The following CNGB1 variants were observed in gnomAD, a reference collection of about 807,000 sequenced individuals.
CNGB1 encodes the protein cyclic nucleotide gated channel subunit beta 1, also known as cyclic nucleotide-gated channel beta-1.
Under a neutral mutation model 151.7 loss-of-function variants are expected in CNGB1, and 126 were observed. The observed-to-expected ratio is 0.83, with a 90% CI of 0.72 to 0.96. CNGB1 has a LOEUF of 0.96. Ranked by LOEUF, CNGB1 falls within the 40% of genes least tolerant of loss-of-function variation. The pLI, the probability that CNGB1 is intolerant of heterozygous loss-of-function variation, is 0.00. For synonymous variants in CNGB1, 623 were observed against 635.1 expected, an observed-to-expected ratio of 0.98 and a Z score of 0.29; for missense variants, 1,698 against 1,627.0, an observed-to-expected ratio of 1.04 and a Z score of -0.75.
At chr16:57,894,531 G>A (rs1313038072) in intron 31 of CNGB1, among the ~76,000 whole-genome samples, 2 of 152,174 alleles carry the variant, frequency 1.3e-5, no homozygotes, top group African/African-American at 2.4e-5. Context: ...AACCCGGGAG[G>A]TGGAGGTTGC....
At chr16:57,912,733 TTG>T (rs1334596871) in intron 24 of CNGB1, among the ~76,000 whole-genome samples, 195 bp downstream of exon 24, 1 of 151,374 alleles carries the variant, frequency 6.6e-6, no homozygotes, top group African/African-American at 2.4e-5. Flanking sequence ...GTGTTGTGTG[TTG>T]TGTGTGTGCA....
chr16:57,885,637 G>C (rs953999172), intron 32 of CNGB1, among the ~76,000 whole-genome samples: 1 of 143,600 alleles, frequency 7.0e-6, no homozygotes, highest in Non-Finnish European at 1.5e-5. Flanking sequence ...TCTGCCACCC[G>C]GGATGGAGTG....
At chr16:57,915,124 C>G (rs1377255967) in intron 23 of CNGB1, 125 bp downstream of exon 23, 1 of 712,078 alleles carries the variant, frequency 1.4e-6, no homozygotes, top group Non-Finnish European at 2.4e-6. Context: ...AAATGCATCT[C>G]CCCTCGGGCC....
In CNGB1 at chr16:57,897,800, T is replaced by A. The variant is rs777856371; in HGVS notation, c.3091A>T (p.Ile1031Leu). Residue 1031 changes from isoleucine (I) to leucine (L), a missense_variant, in exon 30 of 33, where the codon ATA (isoleucine) becomes TTA (leucine). By Grantham distance (5) the Ile-to-Leu change is conservative. Coordinates refer to ENST00000251102, the MANE Select transcript of CNGB1 (RefSeq NM_001297.5). Reference protein sequence around the residue: ...TLKAGSVFGEISLLAVGGGNR... With the variant: ...TLKAGSVFGELSLLAVGGGNR... The stretch of plus-strand genomic sequence containing the variant: ...TTTACCCCAGCTGCGTCTGACCTTA[T>A]TTCTCCAAACACAGATCCAGCTTTC... 2.5e-6 allele frequency: 4 copies of A among 1,614,154 alleles called. No homozygotes were observed. The highest frequency in any genetic ancestry group is 1.6e-4 in the Middle Eastern group (1 of 6,062).
At chr16:57,885,576 C>T (rs12925926) in intron 32 of CNGB1, among the ~76,000 whole-genome samples, 22 of 124,338 alleles carry the variant, frequency 1.8e-4, no homozygotes, top group East Asian at 4.9e-4. Context: ...CTCTCTCTCT[C>T]TCTTTCTTTC....
chr16:57,904,874 A>G lies in CNGB1; in HGVS notation c.2494T>C (p.Tyr832His). 6.2e-7 allele frequency: 1 copy of G among 1,614,194 alleles called. No individual in the cohort carries two copies. The highest frequency in any genetic ancestry group is 1.1e-5 in the South Asian group (1 of 91,084). ...HWVYDGVGNS[Y>H]IRCYYFAVKT... Reference sequence around the variant, plus strand: ...ACAGCAAAGTAGTAACAGCGAATATAACTGGAGAGAGAGGAGAAAGGGAAC... The same window carrying G: ...ACAGCAAAGTAGTAACAGCGAATATGACTGGAGAGAGAGGAGAAAGGGAAC... Residue 832 changes from tyrosine to histidine, a missense_variant and splice_region_variant, in exon 26 of 33, where the codon TAT becomes CAT. Coordinates refer to ENST00000251102, the MANE Select transcript of CNGB1 (RefSeq NM_001297.5).
chr16:57,904,355 C>T (rs549156556), intron 26 of CNGB1, among the ~76,000 whole-genome samples: 41 of 152,252 alleles, frequency 2.7e-4, no homozygotes, highest in Non-Finnish European at 4.1e-4. Context: ...TGCTGTTCCT[C>T]GGGGCGGGGC....
At chr16:57,894,598 CT>C (rs1249850129) in intron 31 of CNGB1, among the ~76,000 whole-genome samples, 9 of 151,964 alleles carry the variant, frequency 5.9e-5, no homozygotes, top group Non-Finnish European at 1.3e-4. Flanking sequence ...GAGACTTCAT[CT>C]CAAAAAAGAA....
intron 31 of CNGB1, among the ~76,000 whole-genome samples, chr16:57,896,802 T>C (rs1028635417): frequency 1.3e-5 from 2 of 151,524 alleles, no homozygotes; most frequent in African/African-American, 4.8e-5. Flanking sequence ...TCCAAGTCAC[T>C]AAAGGTTGGA....
intron 18 of CNGB1, among the ~76,000 whole-genome samples, chr16:57,922,806 T>G (rs1233126660): frequency 6.6e-6 from 1 of 151,534 alleles, no homozygotes; most frequent in Non-Finnish European, 1.5e-5. Flanking sequence ...AAATGTGAAC[T>G]CCCCAGGCCT....
rs780134614 is a variant in CNGB1, at chr16:57,912,937, C to T, written c.2362G>A (p.Val788Met). Residue 788 changes from valine (V) to methionine (M), a missense_variant, in exon 24 of 33, where the codon GTG becomes ATG. By Grantham distance (21) the Val-to-Met change is conservative. Transcript: ENST00000251102. ...ATGCAGGGGGAGTCTCACCTGTACA[C>T]GTAGGCTTTGCTGAGGATGGATTCC... ...RLESILSKAY[V>M]YRVIRTTAYL... 4.3e-6 allele frequency: 7 copies of T among 1,613,752 alleles called. No individual in the cohort carries two copies. Among genetic ancestry groups the T allele is most frequent in the African/African-American group, 4.0e-5 (3 of 74,900 alleles).
At chr16:57,939,321 A>G in intron 16 of CNGB1, 109 bp downstream of exon 16, 1 of 1,487,310 alleles carries the variant, frequency 6.7e-7, no homozygotes, top group Non-Finnish European at 9.3e-7. Context: ...AATGGGGGGA[A>G]GGAGATGGAG....
At chr16:57,895,912 G>T (rs1189058217) in intron 31 of CNGB1, among the ~76,000 whole-genome samples, 1 of 152,132 alleles carries the variant, frequency 6.6e-6, no homozygotes, top group African/African-American at 2.4e-5. Flanking sequence ...TCAAAATAAT[G>T]ATTGTTAACA....
chr16:57,884,549 C>T, intron 32 of CNGB1, 92 bp from the exon 33 acceptor site: 2 of 1,431,138 alleles, frequency 1.4e-6, no homozygotes, highest in Non-Finnish European at 1.9e-6. Flanking sequence ...CCTTTTTGGA[C>T]CCCCAAAGAG....
Position 57,884,000 on chromosome 16 carries a change from G to A in CNGB1, c.*164C>T. ...CCCCGCGAGGAGCTGAGTCGGGGCT[G>A]GCGTGCTGGCGGGACGGTCAGAGCT... is the stretch of plus-strand genomic sequence containing the variant. On this transcript the variant is annotated 3_prime_UTR_variant, in exon 33 of 33. Transcript: ENST00000251102. 1 of 950,072 alleles carries A rather than the reference G, an allele frequency of 1.1e-6. No individual in the cohort carries two copies. The highest frequency in any genetic ancestry group is 1.6e-6 in the Non-Finnish European group (1 of 616,092). The allele number at this position is 950,072 out of a possible 1,614,324, so 58.9% of individuals were successfully genotyped here. A position where few individuals can be genotyped will look rare whatever the true frequency, so the allele number is the denominator to read the frequency against.
rs536628731 is a variant in CNGB1, at chr16:57,963,112, A to G, written c.291-48T>C. The G allele has an allele frequency of 2.8e-4, 399 of 1,420,282 alleles. 4 individuals carry two copies. The South Asian group carries it at 4.3e-3, about 15-fold the overall frequency. The allele number at this position is 1,420,282 out of a possible 1,614,324, so 88.0% of individuals were successfully genotyped here. A position where few individuals can be genotyped will look rare whatever the true frequency, so the allele number is the denominator to read the frequency against. ...CCCGCCCTCAACTTCCCCTAGCTCA[A>G]TGAGGCCCTCGAGGCCCAAGACACT... On this transcript the variant is annotated intron_variant, in intron 4 of 32. Coordinates refer to ENST00000251102, the MANE Select transcript of CNGB1 (RefSeq NM_001297.5).
Position 57,960,925 on chromosome 16 carries a change from G to A in CNGB1, c.459-10C>T, listed in dbSNP as rs1342146133. ...CAGCCGCAGCCCAGGCCTGCAGAGGGGCCAGTGATCAGCAGAGTGCCCTGA... is the reference window on the plus strand; with the variant it reads ...CAGCCGCAGCCCAGGCCTGCAGAGGAGCCAGTGATCAGCAGAGTGCCCTGA... On this transcript the variant is annotated splice_polypyrimidine_tract_variant and intron_variant, in intron 7 of 32. Transcript: ENST00000251102. 6.2e-7 allele frequency: 1 copy of A among 1,613,920 alleles called. No homozygotes were observed. Among genetic ancestry groups the A allele is most frequent in the Non-Finnish European group, 8.5e-7 (1 of 1,179,962 alleles).
chr16:57,916,189 A>G lies in CNGB1; in HGVS notation c.2167-10T>C. 1 of 1,612,932 alleles carries G rather than the reference A, an allele frequency of 6.2e-7. No individual in the cohort carries two copies. Among genetic ancestry groups the G allele is most frequent in the South Asian group, 1.1e-5 (1 of 91,056 alleles). On this transcript the variant is annotated splice_polypyrimidine_tract_variant and intron_variant, in intron 21 of 32. Coordinates refer to ENST00000251102, the MANE Select transcript of CNGB1 (RefSeq NM_001297.5). ...TGTCCTTTTTGTCCGTCTGAAAGAA[A>G]GGGAATGATGATGGTGAAATGACCT...
At chr16:57,948,921 A>G (rs1362167743) in intron 14 of CNGB1, among the ~76,000 whole-genome samples, 1 of 152,196 alleles carries the variant, frequency 6.6e-6, no homozygotes, top group Non-Finnish European at 1.5e-5. Flanking sequence ...GAAGGCATCA[A>G]AGGCAACCAA....
Sources: allele counts gnomAD v4.1 joint callset (sites outside exome capture counted in the v4.1 genomes callset), GRCh38; gene constraint gnomAD v4.1.1; transcripts MANE v1.5; gene names NCBI Gene and HGNC (gene_info 2026-07-23, HGNC 2026-07-21).